PDE1C: variants seen among roughly 807,000 people sequenced by gnomAD.
The protein encoded by PDE1C is dual specificity calcium/calmodulin-dependent 3',5'-cyclic nucleotide phosphodiesterase 1C.
PDE1C carries 62 observed loss-of-function variants against 93.1 expected under a neutral mutation model. That is an observed-to-expected ratio of 0.67 (90% CI 0.54 to 0.82). The LOEUF (loss-of-function observed/expected upper bound fraction) is 0.82, where lower values mean the gene tolerates loss of function less well. PDE1C is among the 40% of genes least tolerant of loss of function. PDE1C has a pLI of 0.00. For synonymous variants in PDE1C, 325 were observed against 310.1 expected (o/e 1.05, Z -0.50); for missense variants, 742 against 884.6 (o/e 0.84, Z 2.04).
At chr7:32,382,850 C>T (rs1230281860) in intron 1 of PDE1C, among the ~76,000 whole-genome samples, 1 of 152,210 alleles carries the variant, frequency 6.6e-6, no homozygotes, top group Non-Finnish European at 1.5e-5. Flanking sequence ...TGTCGTCTCC[C>T]CTACTCCTTG....
chr7:31,723,516 C>G, the PDE1C span, among the ~76,000 whole-genome samples: 11 of 152,144 alleles, frequency 7.2e-5, no homozygotes, highest in African/African-American at 2.7e-4. Context: ...GTGAAAGTCC[C>G]TTTATTGCCA....
At chr7:31,947,093 C>T (rs779376768) in intron 2 of PDE1C, among the ~76,000 whole-genome samples, 1 of 152,156 alleles carries the variant, frequency 6.6e-6, no homozygotes, top group Non-Finnish European at 1.5e-5. Flanking sequence ...TAAGTATCTC[C>T]TCTTCAGACA....
chr7:32,061,094 G>A (rs539325015), intron 1 of PDE1C, among the ~76,000 whole-genome samples: 22 of 152,306 alleles, frequency 1.4e-4, no homozygotes, highest in African/African-American at 4.8e-4. Flanking sequence ...TGTAGGAAAA[G>A]TCTTGGTTAT....
At chr7:31,901,705 T>C (rs200705794) in intron 2 of PDE1C, among the ~76,000 whole-genome samples, 2 of 151,440 alleles carry the variant, frequency 1.3e-5, no homozygotes, top group East Asian at 3.9e-4. Flanking sequence ...TGTCTTGTCC[T>C]ACCATCTATA....
intron 1 of PDE1C, among the ~76,000 whole-genome samples, chr7:32,216,881 C>G (rs1303899708): frequency 6.6e-6 from 1 of 152,170 alleles, no homozygotes; most frequent in South Asian, 2.1e-4. Context: ...AGGGCTGCAC[C>G]GAGAGAAGAG....
chr7:31,848,982 G>C (rs1318515378), intron 8 of PDE1C, among the ~76,000 whole-genome samples: 1 of 152,196 alleles, frequency 6.6e-6, no homozygotes, highest in Non-Finnish European at 1.5e-5. Context: ...TTTCTGAACA[G>C]GGATCACACA....
At chr7:31,745,367 A>G in the PDE1C span, among the ~76,000 whole-genome samples, 1 of 152,228 alleles carries the variant, frequency 6.6e-6, no homozygotes, top group Admixed American at 6.5e-5. Flanking sequence ...TCTGTTTTAC[A>G]TAAAGCACTA....
chr7:32,236,328 T>C (rs576910839), intron 1 of PDE1C, among the ~76,000 whole-genome samples: 1 of 152,174 alleles, frequency 6.6e-6, no homozygotes, highest in Non-Finnish European at 1.5e-5. Flanking sequence ...AAATTTAAGA[T>C]GTTGCTTTGC....
rs532818061 is a variant in PDE1C at position 32,110,654 on chromosome 7, T to C, written c.308+59131A>G. Among the ~76,000 whole-genome samples, 32 of 152,286 alleles carry C rather than the reference T, an allele frequency of 2.1e-4. No homozygotes were observed. The East Asian group carries it at 3.3e-3, about 16-fold the overall frequency. On this transcript the variant is annotated intron_variant, in intron 3 of 18. Transcript: ENST00000396193. ...AGAGATGGGTGGTGTTTTCTGAGCGTTGAATTCTGAGATCAGAGGCAGGTG... is the reference window on the plus strand; with the variant it reads ...AGAGATGGGTGGTGTTTTCTGAGCGCTGAATTCTGAGATCAGAGGCAGGTG...
rs1472968281 is a variant in PDE1C, at chr7:32,384,270, G to T, written c.310+43552C>A. 3.3e-5 allele frequency among the ~76,000 whole-genome samples: 5 copies of T among 152,188 alleles called. No homozygotes were observed. The East Asian group carries it at 9.6e-4, about 29-fold the overall frequency. ...AAGATTCTAGTCTAGATGGGGAGAT[G>T]GATATGAAAATAACACCTATAATCC... On this transcript the variant is annotated intron_variant, in intron 1 of 1. Coordinates refer to the PDE1C transcript ENST00000672256.
chr7:32,130,445 C>T (rs2128771040), intron 3 of PDE1C, among the ~76,000 whole-genome samples: 1 of 152,156 alleles, frequency 6.6e-6, no homozygotes, highest in East Asian at 1.9e-4. Context: ...CCCTCCGTTT[C>T]CTGTGGTATT....
chr7:32,359,289 A>C (rs1425432861), intron 1 of PDE1C, among the ~76,000 whole-genome samples: 1 of 152,172 alleles, frequency 6.6e-6, no homozygotes, highest in Non-Finnish European at 1.5e-5. Context: ...TCAGTTCAAT[A>C]CTGAGGTGTC....
chr7:31,823,324 A>T, intron 13 of PDE1C, 76 bp from the exon 14 acceptor site: 4 of 1,217,496 alleles, frequency 3.3e-6, no homozygotes, highest in Non-Finnish European at 4.6e-6. Context: ...AGCCCAGAGG[A>T]GGAATGGTTA....
chr7:31,762,157 T>C (rs57442061), intron 17 of PDE1C, among the ~76,000 whole-genome samples: 1 of 152,218 alleles, frequency 6.6e-6, no homozygotes, highest in South Asian at 2.1e-4. Flanking sequence ...AAAAGCCTTA[T>C]AGTGAGGCCA....
chr7:31,741,932 C>G, the PDE1C span, among the ~76,000 whole-genome samples: 1 of 152,230 alleles, frequency 6.6e-6, no homozygotes, highest in Non-Finnish European at 1.5e-5. Flanking sequence ...TCAGGCATAG[C>G]CCTCATCACA....
chr7:32,274,722 A>G (rs955158745), intron 1 of PDE1C, among the ~76,000 whole-genome samples: 2 of 152,278 alleles, frequency 1.3e-5, no homozygotes, highest in Non-Finnish European at 2.9e-5. Context: ...GAAAGTAGGG[A>G]TGAGCTTCAC....
chr7:31,956,831 T>TA (rs1808219377), intron 2 of PDE1C, among the ~76,000 whole-genome samples: 1 of 152,136 alleles, frequency 6.6e-6, no homozygotes, highest in South Asian at 2.1e-4. Context: ...ACAAATTGGT[T>TA]AAAATCATGG....
chr7:31,671,144 CA>C, the PDE1C span, among the ~76,000 whole-genome samples: 1 of 152,144 alleles, frequency 6.6e-6, no homozygotes, highest in Non-Finnish European at 1.5e-5. Flanking sequence ...AGTGCAGCCG[CA>C]AAAGGCTGCC....
intron 1 of PDE1C, among the ~76,000 whole-genome samples, chr7:32,243,345 A>T (rs940399295): frequency 1.1e-4 from 17 of 152,220 alleles, no homozygotes; most frequent in African/African-American, 4.1e-4. Flanking sequence ...CACTCAAATT[A>T]GTCCTTTGAG....
Sources: allele counts gnomAD v4.1 joint callset (sites outside exome capture counted in the v4.1 genomes callset), GRCh38; gene constraint gnomAD v4.1.1; transcripts MANE v1.5; gene names NCBI Gene and HGNC (gene_info 2026-07-23, HGNC 2026-07-21).